Variants in AGPAT4 observed in about 807,000 individuals in gnomAD.
AGPAT4 encodes 1-acyl-sn-glycerol-3-phosphate acyltransferase delta.
A neutral mutation model predicts 48.0 loss-of-function variants in AGPAT4; 15 were observed. That is an observed-to-expected ratio of 0.31 (90% CI 0.21 to 0.48). The LOEUF (loss-of-function observed/expected upper bound fraction) is 0.48, where lower values mean the gene tolerates loss of function less well. Among genes scored for constraint, AGPAT4 ranks in the 20% least tolerant of loss-of-function variants. The pLI is 0.99. For missense variants in AGPAT4, 314 were observed against 482.5 expected (o/e 0.65, Z 3.27); for synonymous variants, 178 against 198.7 (o/e 0.90, Z 0.88).
In AGPAT4 at chr6:161,176,746, T is replaced by C. The variant is rs150564023; in HGVS notation, c.179-10329A>G. Reference sequence around the variant, plus strand: ...GTTTCTTCCTAGGATCGATGGTCTTTACAATTTGGCATGTTTTTGTAGTGG... The same window carrying C: ...GTTTCTTCCTAGGATCGATGGTCTTCACAATTTGGCATGTTTTTGTAGTGG... On this transcript the variant is annotated intron_variant, in intron 2 of 8. Transcript: ENST00000320285. Among the ~76,000 whole-genome samples, 919 of 152,368 alleles carry C rather than the reference T, an allele frequency of 6.0e-3. 12 individuals carry two copies. The highest frequency in any genetic ancestry group is 0.021 in the African/African-American group (876 of 41,572).
chr6:161,199,885 T>C (rs576000509), intron 2 of AGPAT4, among the ~76,000 whole-genome samples: 27 of 152,298 alleles, frequency 1.8e-4, no homozygotes, highest in African/African-American at 6.3e-4. Context: ...CAGTCTCAGG[T>C]AGCTCTTCAT....
rs769001339 is a variant in AGPAT4, at chr6:161,158,311, C to A, written c.349-4001G>T. 6.6e-5 allele frequency among the ~76,000 whole-genome samples: 10 copies of A among 152,164 alleles called. No individual in the cohort carries two copies. Among genetic ancestry groups the A allele is most frequent in the Non-Finnish European group, 1.5e-4 (10 of 68,042 alleles). ...CACTCAGAGGCTTCCATGTGTGATG[C>A]CAACAGCTTTCAGAGAGAATGTACA... On this transcript the variant is annotated intron_variant, in intron 3 of 8. Transcript: ENST00000320285. This position sits in a 1 kb window ranked among gnomAD's most constrained non-coding sequence, Gnocchi z 5.3.
rs4709497 is a variant in AGPAT4 at position 161,161,561 on chromosome 6, G to A, written c.348+4687C>T. 26,946 of 451,122 alleles carry A rather than the reference G, an allele frequency of 0.06. 2,553 individuals carry two copies. Among genetic ancestry groups the A allele is most frequent in the Admixed American group, 0.3 (12,665 of 42,410 alleles). 27.9% of individuals were successfully genotyped at this position (451,122 alleles called of 1,614,324 possible). On this transcript the variant is annotated intron_variant, in intron 3 of 8. Coordinates refer to ENST00000320285, the MANE Select transcript of AGPAT4 (RefSeq NM_020133.3). This position sits in a 1 kb window ranked among gnomAD's most constrained non-coding sequence, Gnocchi z 4.6. ...CATAGGCTCAGGTGATGCCAGCAGT[G>A]AGCAGGGTGCAAGACCACCCTACAG...
chr6:161,188,200 G>A (rs557294222), intron 2 of AGPAT4, among the ~76,000 whole-genome samples: 11 of 152,104 alleles, frequency 7.2e-5, no homozygotes, highest in South Asian at 2.1e-4. Flanking sequence ...ACTCTATCCC[G>A]GCACTGTTTT....
rs1391102427 is a variant in AGPAT4 at position 161,225,353 on chromosome 6, G to T, written c.178+6683C>A. 6.6e-6 allele frequency among the ~76,000 whole-genome samples: 1 copy of T among 152,204 alleles called. No homozygotes were observed. The highest frequency in any genetic ancestry group is 1.5e-5 in the Non-Finnish European group (1 of 68,046). On this transcript the variant is annotated intron_variant, in intron 2 of 8. Coordinates refer to ENST00000320285, the MANE Select transcript of AGPAT4 (RefSeq NM_020133.3). The surrounding 1 kb of genome is among the most constrained non-coding windows in gnomAD (Gnocchi z 5.0). Reference sequence around the variant, plus strand: ...AGCAGCAGGGGCCATGGGCTTCAGGGATAAGAACCCCTTCCCCTCTCTTGT... The same window carrying T: ...AGCAGCAGGGGCCATGGGCTTCAGGTATAAGAACCCCTTCCCCTCTCTTGT...
At chr6:161,237,020 AT>A (rs1185900892) in intron 1 of AGPAT4, among the ~76,000 whole-genome samples, 1 of 152,212 alleles carries the variant, frequency 6.6e-6, no homozygotes, top group Admixed American at 6.5e-5. Context: ...ACACAAAGAC[AT>A]TTTTAAATCA....
rs753910326 is a variant in AGPAT4, at chr6:161,147,302, A to C, written c.768-703T>G. ...AAGGGCTTGCCACTCGATCATTTGC[A>C]AAGAGCCCATACTGAACACAGGGAG... On this transcript the variant is annotated intron_variant, in intron 6 of 8. Coordinates refer to ENST00000320285, the MANE Select transcript of AGPAT4 (RefSeq NM_020133.3). This position sits in a 1 kb window ranked among gnomAD's most constrained non-coding sequence, Gnocchi z 4.8. Among the ~76,000 whole-genome samples the C allele has an allele frequency of 1.1e-4, 17 of 152,102 alleles. No homozygotes were observed. The highest frequency in any genetic ancestry group is 2.4e-4 in the Non-Finnish European group (16 of 68,014).
intron 1 of AGPAT4, among the ~76,000 whole-genome samples, chr6:161,256,062 C>A (rs1212508610): frequency 6.6e-6 from 1 of 152,168 alleles, no homozygotes; most frequent in Non-Finnish European, 1.5e-5. Context: ...GAAAAAGCCA[C>A]TCCACCCTCA....
intron 2 of AGPAT4, among the ~76,000 whole-genome samples, chr6:161,185,121 T>TA (rs1175447496): frequency 1.4e-5 from 2 of 140,832 alleles, no homozygotes; most frequent in Non-Finnish European, 3.0e-5. Context: ...TTTAAATCCC[T>TA]ATGTAAATAC....
At position 161,142,887 on chromosome 6, in the gene AGPAT4, C is replaced by G. The variant is rs1779299809; in HGVS notation, c.844-3267G>C. On this transcript the variant is annotated intron_variant, in intron 7 of 8. Transcript: ENST00000320285. This position sits in a 1 kb window ranked among gnomAD's most constrained non-coding sequence, Gnocchi z 6.4. Reference sequence around the variant, plus strand: ...GGCTCCCTGCTGCCCTTCTAAGGAGCAATGCCCTTATGGTTTAAGTGAAAA... The same window carrying G: ...GGCTCCCTGCTGCCCTTCTAAGGAGGAATGCCCTTATGGTTTAAGTGAAAA... Among the ~76,000 whole-genome samples, 1 of 152,180 alleles carries G rather than the reference C, an allele frequency of 6.6e-6. No homozygotes were observed. The highest frequency in any genetic ancestry group is 2.4e-5 in the African/African-American group (1 of 41,452).
At position 161,221,076 on chromosome 6, in the gene AGPAT4, C is replaced by A. The variant is rs963944652; in HGVS notation, c.178+10960G>T. On this transcript the variant is annotated intron_variant, in intron 2 of 8. Transcript: ENST00000320285. The surrounding 1 kb of genome is among the most constrained non-coding windows in gnomAD (Gnocchi z 4.5). Reference sequence around the variant, plus strand: ...TGGATTACAGGCATGAGCCACCGCACCCGGCCCCAGACAGCATATTTAAAC... The same window carrying A: ...TGGATTACAGGCATGAGCCACCGCAACCGGCCCCAGACAGCATATTTAAAC... Among the ~76,000 whole-genome samples the A allele has an allele frequency of 6.6e-6, 1 of 152,286 alleles. No individual in the cohort carries two copies. Among genetic ancestry groups the A allele is most frequent in the Admixed American group, 6.5e-5 (1 of 15,302 alleles).
rs563357753 is a variant in AGPAT4, at chr6:161,232,873, C to A, written c.-89-571G>T. 1.3e-5 allele frequency among the ~76,000 whole-genome samples: 2 copies of A among 152,136 alleles called. No individual in the cohort carries two copies. The highest frequency in any genetic ancestry group is 4.8e-5 in the African/African-American group (2 of 41,424). ...GAGTGGGTGCCACCCCTCAAGCAAC[C>A]GGGACTAGGGAAGCATTTACTTGAA... is the stretch of plus-strand genomic sequence containing the variant. On this transcript the variant is annotated intron_variant, in intron 1 of 8. Transcript: ENST00000320285. The surrounding 1 kb of genome is among the most constrained non-coding windows in gnomAD (Gnocchi z 6.8).
At position 161,132,674 on chromosome 6, in the gene AGPAT4, T is replaced by A. The variant is rs1230357999; in HGVS notation, c.*3866A>T. ...CAAAGCCAGCACATCTGTGAGCATG[T>A]TACACATGGGCTTGCCTAAGTATTT... is the stretch of plus-strand genomic sequence containing the variant. On this transcript the variant is annotated 3_prime_UTR_variant, in exon 9 of 9. Coordinates refer to ENST00000320285, the MANE Select transcript of AGPAT4 (RefSeq NM_020133.3). The A allele has an allele frequency of 6.6e-6, 1 of 152,272 alleles. No individual in the cohort carries two copies. The highest frequency in any genetic ancestry group is 1.5e-5 in the Non-Finnish European group (1 of 68,064). 9.4% of individuals were successfully genotyped at this position (152,272 alleles called of 1,614,324 possible).
In AGPAT4 at chr6:161,212,710, C is replaced by T. The variant is rs1010822349; in HGVS notation, c.178+19326G>A. ...TAACAAATTTCCTTGTCAATTGTGT[C>T]TTTCACTATGGCTACCCTAATACAT... On this transcript the variant is annotated intron_variant, in intron 2 of 8. Transcript: ENST00000320285. This position sits in a 1 kb window ranked among gnomAD's most constrained non-coding sequence, Gnocchi z 6.1. 1.3e-5 allele frequency among the ~76,000 whole-genome samples: 2 copies of T among 152,088 alleles called. No homozygotes were observed. Among genetic ancestry groups the T allele is most frequent in the Admixed American group, 6.6e-5 (1 of 15,262 alleles).
intron 1 of AGPAT4, among the ~76,000 whole-genome samples, chr6:161,250,935 C>T (rs1259973015): frequency 1.9e-4 from 29 of 152,072 alleles, no homozygotes. Flanking sequence ...ATTGATTGTG[C>T]CTTTATCCCT....
intron 3 of AGPAT4, among the ~76,000 whole-genome samples, chr6:161,163,792 G>C (rs1780007399): frequency 6.6e-6 from 1 of 152,194 alleles, no homozygotes. Context: ...GAAAACCCAA[G>C]GCCCCCACTG....
Position 161,270,861 on chromosome 6 carries a change from C to T in AGPAT4, c.-90+3077G>A, listed in dbSNP as rs1235334072. On this transcript the variant is annotated intron_variant, in intron 1 of 8. Transcript: ENST00000320285. The surrounding 1 kb of genome is among the most constrained non-coding windows in gnomAD (Gnocchi z 5.3). ...CCAGAATAAAGGAGACTGCACAAAA[C>T]GTGTGACATTTACCAAACCCTCATT... 6.6e-6 allele frequency among the ~76,000 whole-genome samples: 1 copy of T among 152,132 alleles called. No homozygotes were observed. The highest frequency in any genetic ancestry group is 1.9e-4 in the East Asian group (1 of 5,194).
Position 161,164,969 on chromosome 6 carries a change from G to T in AGPAT4, c.348+1279C>A, listed in dbSNP as rs557152342. On this transcript the variant is annotated intron_variant, in intron 3 of 8. Transcript: ENST00000320285. The surrounding 1 kb of genome is among the most constrained non-coding windows in gnomAD (Gnocchi z 7.4). Reference sequence around the variant, plus strand: ...GAAAGCCTAGCTGTAAAGGTGGTAAGACAGGTGACCTGACAGTCAAGATGC... The same window carrying T: ...GAAAGCCTAGCTGTAAAGGTGGTAATACAGGTGACCTGACAGTCAAGATGC... Among the ~76,000 whole-genome samples, 328 of 152,328 alleles carry T rather than the reference G, an allele frequency of 2.2e-3. 2 individuals are homozygous for T. The highest frequency in any genetic ancestry group is 7.4e-3 in the African/African-American group (309 of 41,572).
In AGPAT4 at chr6:161,139,201, G is replaced by C. The variant is rs1562308496; in HGVS notation, c.1042+221C>G. On this transcript the variant is annotated intron_variant, in intron 8 of 8. Transcript: ENST00000320285. This position sits in a 1 kb window ranked among gnomAD's most constrained non-coding sequence, Gnocchi z 9.1. ...AGGGAACGTGTGGAATCCAGCCCCA[G>C]GTGGGAGGCTGGACCGTCCAGGCTG... is the stretch of plus-strand genomic sequence containing the variant. Among the ~76,000 whole-genome samples the C allele has an allele frequency of 6.6e-6, 1 of 152,204 alleles. No individual in the cohort carries two copies. Among genetic ancestry groups the C allele is most frequent in the Non-Finnish European group, 1.5e-5 (1 of 68,032 alleles).
Sources: gnomAD v4.1 joint callset for allele counts (sites outside exome capture counted in the v4.1 genomes callset) on GRCh38, gnomAD v4.1.1 for gene constraint, Gnocchi (gnomAD v3.1) non-coding constraint, MANE v1.5 for transcripts, NCBI Gene and HGNC (gene_info 2026-07-23, HGNC 2026-07-21) for gene names.